PLPP4: variants seen among roughly 807,000 people sequenced by gnomAD.
PLPP4 encodes diacylglycerol pyrophosphate like 2.
In PLPP4, 20 loss-of-function variants were observed where a neutral mutation model predicts 32.2. The ratio of observed to expected loss-of-function variants is 0.62; its 90% CI spans 0.44 to 0.90. The LOEUF (loss-of-function observed/expected upper bound fraction) is 0.90. Among genes scored for constraint, PLPP4 ranks in the 40% least tolerant of loss-of-function variants. PLPP4 has a pLI of 0.00. For synonymous variants in PLPP4, 127 were observed against 133.0 expected (o/e 0.95, Z 0.31); for missense variants, 257 against 353.1 (o/e 0.73, Z 2.18).
chr10:120,550,344 A>G (rs1049566991), intron 5 of PLPP4, among the ~76,000 whole-genome samples: 1 of 151,994 alleles, frequency 6.6e-6, no homozygotes, highest in Non-Finnish European at 1.5e-5. Flanking sequence ...ATTATCCAAT[A>G]TTGTTAAGAT....
chr10:120,538,330 A>G (rs1847159974), intron 5 of PLPP4, among the ~76,000 whole-genome samples: 1 of 151,470 alleles, frequency 6.6e-6, no homozygotes, highest in Admixed American at 6.6e-5. Flanking sequence ...AACTCTGCCA[A>G]AGGAAAATGA....
chr10:120,515,353 A>G (rs1253905395), intron 3 of PLPP4, among the ~76,000 whole-genome samples: 1 of 152,096 alleles, frequency 6.6e-6, no homozygotes, highest in Non-Finnish European at 1.5e-5. Context: ...TTCTGCCTCA[A>G]CTTTGTTTCT....
At chr10:120,584,014 G>A (rs996481471) in intron 6 of PLPP4, among the ~76,000 whole-genome samples, 2 of 152,216 alleles carry the variant, frequency 1.3e-5, no homozygotes, top group African/African-American at 4.8e-5. Flanking sequence ...GCCCATACCA[G>A]ATGACTGGTC....
chr10:120,574,451 G>A (rs747442893), intron 5 of PLPP4, among the ~76,000 whole-genome samples: 1 of 152,064 alleles, frequency 6.6e-6, no homozygotes, highest in Non-Finnish European at 1.5e-5. Context: ...CTACACTTTC[G>A]ACAATGGATT....
intron 2 of PLPP4, among the ~76,000 whole-genome samples, chr10:120,505,187 G>A (rs1400342301): frequency 3.3e-5 from 5 of 152,200 alleles, no homozygotes; most frequent in South Asian, 2.1e-4. Context: ...CTTGCCCAAG[G>A]TCACACAGCT....
rs79723254 is a variant in PLPP4, at chr10:120,585,235, T to C, written c.617-4068T>C. On this transcript the variant is annotated intron_variant, in intron 6 of 6. Coordinates refer to ENST00000398250, the MANE Select transcript of PLPP4 (RefSeq NM_001030059.3). ...TTATAGGCTGGTGGCCATAAGCTAGTGAAGAGATTCTTCATTTAAGCAACT... is the reference window on the plus strand; with the variant it reads ...TTATAGGCTGGTGGCCATAAGCTAGCGAAGAGATTCTTCATTTAAGCAACT... Among the ~76,000 whole-genome samples the C allele has an allele frequency of 5.2e-3, 790 of 152,364 alleles. 53 individuals are homozygous for C. The South Asian group carries it at 0.13, about 24-fold the overall frequency.
At chr10:120,536,655 A>G (rs1376633665) in intron 5 of PLPP4, among the ~76,000 whole-genome samples, 1 of 134,040 alleles carries the variant, frequency 7.5e-6, no homozygotes, top group Non-Finnish European at 1.6e-5. Context: ...TTAGCATATG[A>G]TACCTAAAGC....
intron 2 of PLPP4, among the ~76,000 whole-genome samples, chr10:120,511,449 G>T (rs1197405419): frequency 6.6e-6 from 1 of 152,136 alleles, no homozygotes; most frequent in Non-Finnish European, 1.5e-5. Flanking sequence ...TATACCAGCT[G>T]GGATTGCCTT....
In PLPP4 at chr10:120,484,671, T is replaced by C. The variant is rs74378671; in HGVS notation, c.57-19147T>C. 2.3e-3 allele frequency among the ~76,000 whole-genome samples: 344 copies of C among 152,326 alleles called. 2 individuals are homozygous for C. The highest frequency in any genetic ancestry group is 0.021 in the East Asian group (110 of 5,190). On this transcript the variant is annotated intron_variant, in intron 1 of 6. Transcript: ENST00000398250. Reference sequence around the variant, plus strand: ...TGCATTGGGGATCACCTCTTAATACTGTTGCATTGGGGACCAACACATGAA... The same window carrying C: ...TGCATTGGGGATCACCTCTTAATACCGTTGCATTGGGGACCAACACATGAA...
intron 6 of PLPP4, among the ~76,000 whole-genome samples, chr10:120,578,208 T>C (rs1243682696): frequency 6.6e-6 from 1 of 152,174 alleles, no homozygotes; most frequent in African/African-American, 2.4e-5. Flanking sequence ...CATTCAATAC[T>C]CAATTATTAA....
intron 6 of PLPP4, among the ~76,000 whole-genome samples, chr10:120,583,851 T>C (rs543434989): frequency 6.6e-6 from 1 of 152,236 alleles, no homozygotes; most frequent in South Asian, 2.1e-4. Flanking sequence ...TGACATGTAG[T>C]TGGGGAGATA....
chr10:120,546,225 T>C (rs1292408893), intron 5 of PLPP4, among the ~76,000 whole-genome samples: 1 of 152,122 alleles, frequency 6.6e-6, no homozygotes, highest in African/African-American at 2.4e-5. Context: ...ATCCCTTTCA[T>C]ATATACGTCT....
At chr10:120,582,415 T>G (rs1849551364) in intron 6 of PLPP4, among the ~76,000 whole-genome samples, 1 of 152,202 alleles carries the variant, frequency 6.6e-6, no homozygotes, top group Non-Finnish European at 1.5e-5. Context: ...TCTGTCTCTG[T>G]GTCCAAATTT....
At chr10:120,467,969 T>G (rs1376931511) in intron 1 of PLPP4, among the ~76,000 whole-genome samples, 1 of 64,500 alleles carries the variant, frequency 1.6e-5, no homozygotes, top group African/African-American at 3.3e-5. Context: ...TTTCCACTTA[T>G]AAGTGAGAAC....
chr10:120,485,501 A>G (rs866515116), intron 1 of PLPP4, among the ~76,000 whole-genome samples: 2 of 152,242 alleles, frequency 1.3e-5, no homozygotes, highest in African/African-American at 4.8e-5. Context: ...CAAGTGGTAC[A>G]GAGAGAACAC....
In PLPP4 at chr10:120,589,594, TTCA is replaced by T. The variant is rs1849929369; in HGVS notation, c.*96_*98del. On this transcript the variant is annotated 3_prime_UTR_variant, in exon 7 of 7. Coordinates refer to ENST00000398250, the MANE Select transcript of PLPP4 (RefSeq NM_001030059.3). ...AGAAATGGTTTTCTGTAGTGTATTTTTCATCAGTTGTTTCTCAAAGTCATCGTA... is the reference window on the plus strand; with the variant it reads ...AGAAATGGTTTTCTGTAGTGTATTTTTCAGTTGTTTCTCAAAGTCATCGTA... 3 of 1,000,084 alleles carry T rather than the reference TTCA, an allele frequency of 3.0e-6. No homozygotes were observed. The highest frequency in any genetic ancestry group is 4.4e-6 in the Non-Finnish European group (3 of 685,248). 62.0% of individuals were successfully genotyped at this position (1,000,084 alleles called of 1,614,324 possible).
chr10:120,514,802 T>G (rs1845874371), intron 3 of PLPP4, among the ~76,000 whole-genome samples: 1 of 152,174 alleles, frequency 6.6e-6, no homozygotes, highest in Non-Finnish European at 1.5e-5. Flanking sequence ...TGATTTTTTC[T>G]TTTTTTGACA....
At chr10:120,551,364 A>T (rs1438431540) in intron 5 of PLPP4, among the ~76,000 whole-genome samples, 1 of 152,208 alleles carries the variant, frequency 6.6e-6, no homozygotes, top group Non-Finnish European at 1.5e-5. Context: ...TACCTAGCAG[A>T]TGCATTTCTA....
chr10:120,528,268 G>C (rs1846520618), intron 5 of PLPP4, among the ~76,000 whole-genome samples: 1 of 152,004 alleles, frequency 6.6e-6, no homozygotes, highest in Non-Finnish European at 1.5e-5. Flanking sequence ...TAGAGACGGG[G>C]TTTCACCGTG....
Sources: gnomAD v4.1 joint callset for allele counts (sites outside exome capture counted in the v4.1 genomes callset) on GRCh38, gnomAD v4.1.1 for gene constraint, MANE v1.5 for transcripts, NCBI Gene and HGNC (gene_info 2026-07-23, HGNC 2026-07-21) for gene names.